The following MORN3 variants were observed in gnomAD, a reference collection of about 807,000 sequenced individuals.
MORN3 encodes the protein MORN repeat containing 3.
In MORN3, 38 loss-of-function variants were observed where a neutral mutation model predicts 34.7. The observed-to-expected ratio is 1.10, with a 90% CI of 0.85 to 1.44. MORN3 has a LOEUF of 1.44. Ranked by LOEUF, MORN3 falls within the 40% of genes most tolerant of loss-of-function variation. The pLI, the probability that MORN3 is intolerant of heterozygous loss-of-function variation, is 0.00. For missense variants in MORN3, 311 were observed against 321.7 expected, an observed-to-expected ratio of 0.97 and a Z score of 0.25; for synonymous variants, 109 against 115.3, an observed-to-expected ratio of 0.95 and a Z score of 0.35.
upstream of MORN3, among the ~76,000 whole-genome samples, chr12:121,672,373 T>G (rs924460397): frequency 1.3e-5 from 2 of 151,534 alleles, no homozygotes; most frequent in Non-Finnish European, 2.9e-5. Flanking sequence ...GGTGGGAAGA[T>G]GCCTTGATCC....
chr12:121,660,094 C>T (rs1247805795), intron 1 of MORN3, among the ~76,000 whole-genome samples: 2 of 150,980 alleles, frequency 1.3e-5, no homozygotes, highest in African/African-American at 4.9e-5. Context: ...ATTAGCCAGG[C>T]GTGGTGGCAG....
At chr12:121,659,112 C>G in intron 2 of MORN3, 79 bp downstream of exon 2, 5 of 1,536,850 alleles carry the variant, frequency 3.3e-6, no homozygotes, top group Non-Finnish European at 4.4e-6. Context: ...AGGCCTCTCT[C>G]GGCTTCCCCT....
At chr12:121,665,500 G>A (rs1277320302) in intron 1 of MORN3, among the ~76,000 whole-genome samples, 1 of 150,994 alleles carries the variant, frequency 6.6e-6, no homozygotes, top group African/African-American at 2.4e-5. Flanking sequence ...GGGCGCGGTG[G>A]CTCACGCCTG....
At position 121,669,555 on chromosome 12, in the gene MORN3, G is replaced by GTTA. The variant is rs1387656354; in HGVS notation, c.-73_-72insTAA. 3 of 1,581,312 alleles carry GTTA rather than the reference G, an allele frequency of 1.9e-6. No homozygotes were observed. Among genetic ancestry groups the GTTA allele is most frequent in the East Asian group, 4.6e-5 (2 of 43,326 alleles). ...ACATCTGGGGCTCAGCGCGCCCCGT[G>GTTA]TAATGCCGGGATCCTGAGCTCAAGT... On this transcript the variant is annotated 5_prime_UTR_variant, in exon 1 of 6. Transcript: ENST00000355329.
intron 1 of MORN3, among the ~76,000 whole-genome samples, chr12:121,664,748 A>G (rs1893687849): frequency 1.3e-5 from 2 of 150,770 alleles, no homozygotes; most frequent in Non-Finnish European, 3.0e-5. Context: ...GAGTCAGCCC[A>G]CCCGAACCTT....
intron 1 of MORN3, among the ~76,000 whole-genome samples, chr12:121,660,376 G>T (rs1893544430): frequency 8.0e-6 from 1 of 124,504 alleles, no homozygotes. Flanking sequence ...TTTTGAGACA[G>T]AGTCTTGCTG....
chr12:121,659,516 ATTTCTTTCTTTC>A (rs539023370), intron 1 of MORN3, among the ~76,000 whole-genome samples, 168 bp from the exon 2 acceptor site: 19 of 149,702 alleles, frequency 1.3e-4, no homozygotes, highest in South Asian at 4.2e-4. Context: ...GGAAAGTTCC[ATTTCTTTCTTTC>A]TTTCTTTCTT....
At chr12:121,654,030 C>T (rs1231459086) in intron 3 of MORN3, among the ~76,000 whole-genome samples, 2 of 152,100 alleles carry the variant, frequency 1.3e-5, no homozygotes, top group Admixed American at 6.6e-5. Context: ...CATTAGTCTA[C>T]TTTCTGTCTC....
intron 1 of MORN3, among the ~76,000 whole-genome samples, chr12:121,666,566 G>C (rs1464043107): frequency 6.6e-6 from 1 of 151,998 alleles, no homozygotes; most frequent in Non-Finnish European, 1.5e-5. Flanking sequence ...TAAGATGCTG[G>C]CAGCCATGTG....
intron 1 of MORN3, among the ~76,000 whole-genome samples, chr12:121,665,699 AAG>A (rs1389538562): frequency 6.9e-6 from 1 of 145,872 alleles, no homozygotes; most frequent in Non-Finnish European, 1.5e-5. Context: ...TGGGAGGCAG[AAG>A]TTGCAGTGAG....
intron 1 of MORN3, among the ~76,000 whole-genome samples, chr12:121,662,811 C>G (rs570467307): frequency 6.6e-6 from 1 of 150,924 alleles, no homozygotes; most frequent in East Asian, 2.0e-4. Context: ...AAGGCTGAAG[C>G]GGGCAGATCA....
At chr12:121,659,484 C>T (rs1893516173) in intron 1 of MORN3, 136 bp from the exon 2 acceptor site, 2 of 757,334 alleles carry the variant, frequency 2.6e-6, no homozygotes, top group Non-Finnish European at 2.1e-6. Context: ...ATCCTAGACA[C>T]CAAGTACCCA....
chr12:121,659,983 C>G (rs1447730690), intron 1 of MORN3, among the ~76,000 whole-genome samples: 5 of 151,724 alleles, frequency 3.3e-5, no homozygotes, highest in Non-Finnish European at 7.4e-5. Context: ...CCTGTAATCC[C>G]AGCACTTTGG....
At position 121,669,404 on chromosome 12, in the gene MORN3, C is replaced by A. The variant is rs747756614; in HGVS notation, c.80G>T (p.Arg27Leu). 1 of 1,614,116 alleles carries A rather than the reference C, an allele frequency of 6.2e-7. No homozygotes were observed. Among genetic ancestry groups the A allele is most frequent in the South Asian group, 1.1e-5 (1 of 91,084 alleles). ...WDRKAQRNGL[R>L]SQVYAVNGDY... ...GCCATTCACAGCGTATACCTGGCTC[C>A]GCAGGCCGTTCCTCTGGGCCTTCCG... The change falls in exon 1 of 6, where the codon CGG becomes CTG. Residue 27 changes from arginine (R) to leucine (L), a missense_variant. Coordinates refer to ENST00000355329, the MANE Select transcript of MORN3 (RefSeq NM_173855.5).
chr12:121,650,555 A>G lies in MORN3; in HGVS notation c.*1096T>C. 1 of 109,126 alleles carries G rather than the reference A, an allele frequency of 9.2e-6. No homozygotes were observed. The highest frequency in any genetic ancestry group is 3.3e-4 in the South Asian group (1 of 3,056). The allele number at this position is 109,126 out of a possible 1,614,324, so 6.8% of individuals were successfully genotyped here. A position where few individuals can be genotyped will look rare whatever the true frequency, so the allele number is the denominator to read the frequency against. Reference sequence around the variant, plus strand: ...AAAAAAAAAAAAAAAAAAAAAGGCCAGGCTCGATGGCTCACACCTGTAATC... The same window carrying G: ...AAAAAAAAAAAAAAAAAAAAAGGCCGGGCTCGATGGCTCACACCTGTAATC... On this transcript the variant is annotated 3_prime_UTR_variant, in exon 6 of 6. Transcript: ENST00000355329.
At chr12:121,672,327 G>T (rs1027697339), upstream of MORN3, among the ~76,000 whole-genome samples, 3 of 152,108 alleles carry the variant, frequency 2.0e-5, no homozygotes, top group South Asian at 6.2e-4. Context: ...GGGCATGGTG[G>T]CGCAGGCCTG....
At chr12:121,653,374 G>A in intron 3 of MORN3, 115 bp from the exon 4 acceptor site, 4 of 1,089,454 alleles carry the variant, frequency 3.7e-6, no homozygotes, top group Non-Finnish European at 5.2e-6. Flanking sequence ...GCCAAGATGG[G>A]AGGCTCATAA....
rs201938177 is a variant in MORN3, at chr12:121,659,191, C to T, written c.303G>A (p.Ser101=). The change falls in exon 2 of 6, where the codon TCG becomes TCA. Residue 101 remains serine (S), a splice_region_variant and synonymous_variant. Transcript: ENST00000355329. ...CACCCCGGCTGGCAGGCCTGCTCACCGATTTCTTATCACCTTTCCACCAGC... is the reference window on the plus strand; with the variant it reads ...CACCCCGGCTGGCAGGCCTGCTCACTGATTTCTTATCACCTTTCCACCAGC... ...YSGWWKGDKK[S]GYGIQFFGPK... is the part of the protein sequence containing the mutation. 70 of 1,610,848 alleles carry T rather than the reference C, an allele frequency of 4.3e-5. No homozygotes were observed. The highest frequency in any genetic ancestry group is 5.8e-5 in the Non-Finnish European group (68 of 1,177,872).
chr12:121,656,156 C>T (rs1340319208), intron 2 of MORN3, among the ~76,000 whole-genome samples: 1 of 152,146 alleles, frequency 6.6e-6, no homozygotes, highest in Non-Finnish European at 1.5e-5. Context: ...CCCACATATC[C>T]CTGAGGGCCC....
Sources: allele counts gnomAD v4.1 joint callset (sites outside exome capture counted in the v4.1 genomes callset), GRCh38; gene constraint gnomAD v4.1.1; transcripts MANE v1.5; gene names NCBI Gene and HGNC (gene_info 2026-07-23, HGNC 2026-07-21).